Variants in UGT1A10 observed in about 807,000 individuals in gnomAD.
UGT1A10 encodes the protein UDP-glucuronosyltransferase 1A10.
Under a neutral mutation model 45.8 loss-of-function variants are expected in UGT1A10, and 49 were observed. The ratio of observed to expected loss-of-function variants is 1.07; its 90% CI spans 0.85 to 1.36. The LOEUF is 1.36. Ranked by LOEUF, UGT1A10 falls within the 40% of genes most tolerant of loss-of-function variation. UGT1A10 has a pLI of 0.00. For synonymous variants in UGT1A10, 284 were observed against 249.7 expected (o/e 1.14, Z -1.29); for missense variants, 745 against 668.6 (o/e 1.11, Z -1.26).
intron 1 of UGT1A10, among the ~76,000 whole-genome samples, chr2:233,684,999 G>T (rs1188810148): frequency 1.3e-5 from 2 of 152,102 alleles, no homozygotes; most frequent in Non-Finnish European, 2.9e-5. Context: ...TGTGTATGTG[G>T]TGTTTGTGCA....
intron 1 of UGT1A10, among the ~76,000 whole-genome samples, chr2:233,711,944 G>A (rs1242729453): frequency 1.3e-5 from 2 of 152,214 alleles, no homozygotes; most frequent in East Asian, 1.9e-4. Flanking sequence ...AAAGGCACAC[G>A]TTTAATTCTC....
chr2:233,641,055 G>A (rs1402777810), intron 1 of UGT1A10, among the ~76,000 whole-genome samples: 1 of 152,038 alleles, frequency 6.6e-6, no homozygotes, highest in East Asian at 1.9e-4. Context: ...TTATCTCACT[G>A]CAACCTTGGC....
At chr2:233,647,591 A>G (rs1159676851) in intron 1 of UGT1A10, among the ~76,000 whole-genome samples, 1 of 152,208 alleles carries the variant, frequency 6.6e-6, no homozygotes. Flanking sequence ...CATTTGTGTT[A>G]TTAATTTCTT....
At chr2:233,771,766 C>A (rs1025155606) in intron 4 of UGT1A10, among the ~76,000 whole-genome samples, 2 of 151,968 alleles carry the variant, frequency 1.3e-5, no homozygotes, top group Admixed American at 6.6e-5. Context: ...CTTCCTCCGT[C>A]CCTCTCTCCT....
At chr2:233,674,028 T>G (rs2074270928) in intron 1 of UGT1A10, among the ~76,000 whole-genome samples, 1 of 152,198 alleles carries the variant, frequency 6.6e-6, no homozygotes, top group Admixed American at 6.5e-5. Flanking sequence ...AATAACATTC[T>G]TAGCAAATGT....
rs2077866341 is a variant in UGT1A10 at position 233,729,479 on chromosome 2, A to T, written c.856-37555A>T. 5 of 1,614,240 alleles carry T rather than the reference A, an allele frequency of 3.1e-6. No homozygotes were observed. The East Asian group carries it at 1.1e-4, about 36-fold the overall frequency. On this transcript the variant is annotated intron_variant, in intron 1 of 4. Coordinates refer to ENST00000344644, the MANE Select transcript of UGT1A10 (RefSeq NM_019075.4). ...TTTTTCAGAAGTATGGCAATGTTGA[A>T]CAATATGTCTTTGGTCTATCATAGG...
chr2:233,646,278 T>TG (rs1575398373), intron 1 of UGT1A10, among the ~76,000 whole-genome samples: 1 of 152,336 alleles, frequency 6.6e-6, no homozygotes, highest in East Asian at 1.9e-4. Context: ...AGGCCTGTGA[T>TG]GGGAGGGACT....
At position 233,769,481 on chromosome 2, in the gene UGT1A10, G is replaced by T. The variant is rs35791110; in HGVS notation, c.1295+1042G>T. 6.2e-7 allele frequency: 1 copy of T among 1,612,192 alleles called. No homozygotes were observed. The highest frequency in any genetic ancestry group is 1.3e-5 in the African/African-American group (1 of 75,008). ...TTCATATGCGTGTGTGTGTGTGTGC[G>T]TGTGTTTATGAGAGTGTCCATTGCT... is the stretch of plus-strand genomic sequence containing the variant. On this transcript the variant is annotated intron_variant, in intron 4 of 4. Transcript: ENST00000344644. The surrounding 1 kb of genome is among the most constrained non-coding windows in gnomAD (Gnocchi z 4.4).
Position 233,742,959 on chromosome 2 carries a change from T to C in UGT1A10, c.856-24075T>C, listed in dbSNP as rs191993803. ...TCCTACCACTAGCAAATAATCATTG[T>C]CTGCCTCAGGCTTAAGTTTAATAAA... is the stretch of plus-strand genomic sequence containing the variant. On this transcript the variant is annotated intron_variant, in intron 1 of 4. Coordinates refer to ENST00000344644, the MANE Select transcript of UGT1A10 (RefSeq NM_019075.4). 2.6e-4 allele frequency: 57 copies of C among 217,402 alleles called. No individual in the cohort carries two copies. In the East Asian group the frequency reaches 5.8e-3, roughly 22 times the overall value. The allele number at this position is 217,402 out of a possible 1,614,324, so 13.5% of individuals were successfully genotyped here.
chr2:233,642,598 C>T (rs1425121429), intron 1 of UGT1A10, among the ~76,000 whole-genome samples: 2 of 152,184 alleles, frequency 1.3e-5, no homozygotes, highest in Admixed American at 6.5e-5. Flanking sequence ...AGTGTCTGGG[C>T]ATTGAAGAGT....
chr2:233,740,631 C>G (rs1198172888), intron 1 of UGT1A10: 1 of 151,760 alleles, frequency 6.6e-6, no homozygotes, highest in East Asian at 1.9e-4. Context: ...CAGGGTCATG[C>G]CTTTCCTTGC....
intron 1 of UGT1A10, among the ~76,000 whole-genome samples, chr2:233,765,933 G>C (rs1285596589): frequency 2.6e-5 from 4 of 152,108 alleles, no homozygotes; most frequent in African/African-American, 9.7e-5. Flanking sequence ...CGGGCAGGTT[G>C]TGGGGCTCTG....
intron 1 of UGT1A10, among the ~76,000 whole-genome samples, chr2:233,643,763 G>A (rs1010875954): frequency 2.0e-5 from 3 of 152,232 alleles, no homozygotes; most frequent in Middle Eastern, 3.4e-3. Flanking sequence ...GTTAGCAGGC[G>A]ATGAACGCTG....
At chr2:233,733,843 T>C (rs1303071690) in intron 1 of UGT1A10, among the ~76,000 whole-genome samples, 2 of 152,184 alleles carry the variant, frequency 1.3e-5, no homozygotes, top group African/African-American at 4.8e-5. Flanking sequence ...GAGGATTCCC[T>C]CTTTTTCTAT....
chr2:233,639,757 C>T (rs1334214258), intron 1 of UGT1A10, among the ~76,000 whole-genome samples: 2 of 152,100 alleles, frequency 1.3e-5, no homozygotes, highest in Non-Finnish European at 2.9e-5. Context: ...GGCAGATGGC[C>T]CCATCTCCAA....
intron 1 of UGT1A10, among the ~76,000 whole-genome samples, chr2:233,683,711 T>G (rs1400745268): frequency 6.6e-6 from 1 of 152,184 alleles, no homozygotes; most frequent in African/African-American, 2.4e-5. Flanking sequence ...TTTGAAACCA[T>G]TATGTGCAAG....
chr2:233,718,286 A>G (rs2076644958), intron 1 of UGT1A10, among the ~76,000 whole-genome samples: 1 of 152,248 alleles, frequency 6.6e-6, no homozygotes, highest in Non-Finnish European at 1.5e-5. Context: ...AAAACCAGAT[A>G]GCCAGCCTGA....
At chr2:233,701,496 A>G (rs2075632566) in intron 1 of UGT1A10, among the ~76,000 whole-genome samples, 1 of 152,140 alleles carries the variant, frequency 6.6e-6, no homozygotes, top group Admixed American at 6.5e-5. Context: ...AAGCGGACCT[A>G]ATAGACATCT....
chr2:233,759,341 G>A (rs1697111060), intron 1 of UGT1A10, among the ~76,000 whole-genome samples: 1 of 152,134 alleles, frequency 6.6e-6, no homozygotes, highest in Non-Finnish European at 1.5e-5. Context: ...GTTCAGGTGA[G>A]CGCTGAAAAT....
Sources: allele counts gnomAD v4.1 joint callset (sites outside exome capture counted in the v4.1 genomes callset), GRCh38; gene constraint gnomAD v4.1.1; non-coding constraint Gnocchi (gnomAD v3.1); transcripts MANE v1.5; gene names NCBI Gene and HGNC (gene_info 2026-07-23, HGNC 2026-07-21).